DLGAP1: variants seen among roughly 807,000 people sequenced by gnomAD.
The protein encoded by DLGAP1 is DLG associated protein 1.
Under a neutral mutation model 90.8 loss-of-function variants are expected in DLGAP1, and 11 were observed. The ratio of observed to expected loss-of-function variants is 0.12; its 90% CI spans 0.08 to 0.20. The LOEUF (loss-of-function observed/expected upper bound fraction) is 0.20. Ranked by LOEUF, DLGAP1 falls within the 10% of genes least tolerant of loss-of-function variation. The pLI is 1.00. For synonymous variants in DLGAP1, 558 were observed against 540.7 expected (o/e 1.03, Z -0.44); for missense variants, 1,050 against 1,333.8 (o/e 0.79, Z 3.31).
chr18:3,772,339 TCTCTCTC>T (rs2064651509), intron 5 of DLGAP1, among the ~76,000 whole-genome samples: 5 of 51,920 alleles, frequency 9.6e-5, no homozygotes, highest in Non-Finnish European at 1.5e-4. Context: ...TCCTTCTCTC[TCTCTCTC>T]TCTTTCTTTC....
chr18:3,833,595 A>G (rs2068190295), intron 4 of DLGAP1, among the ~76,000 whole-genome samples: 1 of 152,198 alleles, frequency 6.6e-6, no homozygotes, highest in Admixed American at 6.5e-5. Flanking sequence ...AGAAACAAAC[A>G]AAAAGATAAT....
intron 5 of DLGAP1, among the ~76,000 whole-genome samples, chr18:3,764,215 C>G (rs1445782646): frequency 6.6e-6 from 1 of 152,174 alleles, no homozygotes; most frequent in African/African-American, 2.4e-5. Flanking sequence ...TTTGTAAACT[C>G]AAAATTGAAA....
intron 2 of DLGAP1, among the ~76,000 whole-genome samples, chr18:4,049,226 CA>C (rs71368721): frequency 0.43 from 57,740 of 134,050 alleles, 11,877 homozygotes; most frequent in Middle Eastern, 0.48. Flanking sequence ...GACTCTGTCT[CA>C]AAAAAAAAAA....
chr18:4,363,160 A>G (rs1050473936), intron 1 of DLGAP1, among the ~76,000 whole-genome samples: 5 of 152,136 alleles, frequency 3.3e-5, no homozygotes, highest in African/African-American at 1.2e-4. Flanking sequence ...TTCCTTGTGG[A>G]GATAAAAAAT....
intron 7 of DLGAP1, chr18:3,594,310 T>G (rs2056449577): frequency 6.6e-6 from 1 of 151,952 alleles, no homozygotes; most frequent in South Asian, 2.1e-4. Flanking sequence ...GACTTTTTTT[T>G]AAAGCCAGCA....
chr18:3,804,550 G>A (rs112809855), intron 5 of DLGAP1, among the ~76,000 whole-genome samples: 4,011 of 152,348 alleles, frequency 0.026, 78 homozygotes, highest in Middle Eastern at 0.054. Context: ...GCAATGCAAA[G>A]TAGGGTTGAG....
chr18:4,418,864 A>T (rs199847875), intron 1 of DLGAP1, among the ~76,000 whole-genome samples: 28 of 2,820 alleles, frequency 9.9e-3, no homozygotes, highest in Non-Finnish European at 4.1e-3. Flanking sequence ...AAAACAAAAC[A>T]AAAAAAAAAC....
intron 1 of DLGAP1, among the ~76,000 whole-genome samples, chr18:4,312,843 T>C (rs9957359): frequency 0.23 from 35,020 of 152,130 alleles, 4,109 homozygotes; most frequent in Middle Eastern, 0.28. Flanking sequence ...GACTTTAAAA[T>C]ATAATCATAG....
chr18:3,948,776 G>C (rs1354291815), intron 3 of DLGAP1, among the ~76,000 whole-genome samples: 7 of 152,118 alleles, frequency 4.6e-5, no homozygotes, highest in Non-Finnish European at 1.0e-4. Context: ...AGGGGAAAGG[G>C]TGGGAAGGGA....
At chr18:3,558,608 C>T (rs1302559181) in intron 9 of DLGAP1, among the ~76,000 whole-genome samples, 1 of 152,106 alleles carries the variant, frequency 6.6e-6, no homozygotes, top group East Asian at 1.9e-4. Flanking sequence ...TGAGAATTGA[C>T]CCCTTTATCA....
intron 1 of DLGAP1, among the ~76,000 whole-genome samples, chr18:4,332,678 C>A (rs1370703288): frequency 6.6e-6 from 1 of 151,820 alleles, no homozygotes; most frequent in Non-Finnish European, 1.5e-5. Context: ...GGGGCTGATA[C>A]CTCAAATGGC....
At chr18:3,663,228 G>A (rs150460329) in intron 7 of DLGAP1, among the ~76,000 whole-genome samples, 1 of 151,984 alleles carries the variant, frequency 6.6e-6, no homozygotes, top group African/African-American at 2.4e-5. Context: ...CCGAGATCAT[G>A]CCATTGTACT....
intron 1 of DLGAP1, among the ~76,000 whole-genome samples, chr18:4,330,248 TCTTTA>T (rs1197952104): frequency 2.0e-5 from 3 of 151,870 alleles, no homozygotes; most frequent in African/African-American, 7.3e-5. Context: ...TTGTATTCTC[TCTTTA>T]TTTTCTGATT....
chr18:4,175,124 G>A (rs2077085368), intron 1 of DLGAP1, among the ~76,000 whole-genome samples: 1 of 152,206 alleles, frequency 6.6e-6, no homozygotes, highest in Non-Finnish European at 1.5e-5. Context: ...TCTGACTGGT[G>A]TGAGATGGTA....
At chr18:3,995,292 C>G (rs2074046253) in intron 3 of DLGAP1, 1 of 151,838 alleles carries the variant, frequency 6.6e-6, no homozygotes, top group South Asian at 2.1e-4. Flanking sequence ...TGCAAAGAAG[C>G]CCGGGTGAAT....
intron 9 of DLGAP1, among the ~76,000 whole-genome samples, chr18:3,557,513 T>G (rs1320497944): frequency 6.7e-6 from 1 of 149,780 alleles, no homozygotes; most frequent in Admixed American, 6.7e-5. Flanking sequence ...CAGAGTGAGA[T>G]TTCGTCTCAA....
chr18:3,612,852 T>C (rs1041136626), intron 7 of DLGAP1, among the ~76,000 whole-genome samples: 11 of 152,194 alleles, frequency 7.2e-5, no homozygotes, highest in Admixed American at 4.6e-4. Context: ...ATTTCCTTTT[T>C]TTTTTGAGAC....
intron 1 of DLGAP1, among the ~76,000 whole-genome samples, chr18:4,398,771 G>A (rs2082490886): frequency 6.6e-6 from 1 of 152,150 alleles, no homozygotes; most frequent in East Asian, 1.9e-4. Flanking sequence ...AAACCTGGAA[G>A]AATTTTTAGA....
intron 9 of DLGAP1, among the ~76,000 whole-genome samples, chr18:3,558,069 T>C (rs1052946913): frequency 5.3e-5 from 8 of 152,332 alleles, no homozygotes; most frequent in Non-Finnish European, 1.2e-4. Context: ...TTAACTATAT[T>C]TAGCTGTTCA....
Sources: allele counts gnomAD v4.1 joint callset (sites outside exome capture counted in the v4.1 genomes callset), GRCh38; gene constraint gnomAD v4.1.1; transcripts MANE v1.5; gene names NCBI Gene and HGNC (gene_info 2026-07-23, HGNC 2026-07-21).